Variants in PKHD1L1 observed in about 807,000 individuals in gnomAD.
PKHD1L1 encodes fibrocystin-L.
In PKHD1L1, 434 loss-of-function variants were observed where a neutral mutation model predicts 462.9. The observed-to-expected ratio is 0.94, with a 90% CI of 0.87 to 1.02. The LOEUF (loss-of-function observed/expected upper bound fraction) is 1.02. Among genes scored for constraint, PKHD1L1 ranks in the 50% least tolerant of loss-of-function variants. PKHD1L1 has a pLI of 0.00. For synonymous variants in PKHD1L1, 1,781 were observed against 1,750.0 expected, an observed-to-expected ratio of 1.02 and a Z score of -0.44; for missense variants, 5,202 against 5,096.1, an observed-to-expected ratio of 1.02 and a Z score of -0.63.
intron 50 of PKHD1L1, among the ~76,000 whole-genome samples, chr8:109,468,670 C>T (rs1053414555): frequency 6.6e-6 from 1 of 152,220 alleles, no homozygotes; most frequent in African/African-American, 2.4e-5. Flanking sequence ...AGTGAAGACT[C>T]ATCCATCACT....
intron 41 of PKHD1L1, among the ~76,000 whole-genome samples, chr8:109,451,383 T>C (rs1816491168): frequency 6.6e-6 from 1 of 152,160 alleles, no homozygotes; most frequent in South Asian, 2.1e-4. Flanking sequence ...CTGAGATGTT[T>C]TTACCTCGTT....
Position 109,537,031 on chromosome 8 carries a change from A to T in PKHD1L1, c.*6941A>T, listed in dbSNP as rs1020389716. On this transcript the variant is annotated 3_prime_UTR_variant, in exon 78 of 78. Coordinates refer to ENST00000378402, the MANE Select transcript of PKHD1L1 (RefSeq NM_177531.6). ...AAATTCTCCAGTAGGAAGATTAATAAAACAATTCATTAAAATTCTCATCAG... is the reference window on the plus strand; with the variant it reads ...AAATTCTCCAGTAGGAAGATTAATATAACAATTCATTAAAATTCTCATCAG... 1.3e-5 allele frequency among the ~76,000 whole-genome samples: 2 copies of T among 152,238 alleles called. No individual in the cohort carries two copies. Among genetic ancestry groups the T allele is most frequent in the African/African-American group, 4.8e-5 (2 of 41,450 alleles).
At chr8:109,428,355 T>A (rs1814892303) in intron 25 of PKHD1L1, among the ~76,000 whole-genome samples, 1 of 152,204 alleles carries the variant, frequency 6.6e-6, no homozygotes, top group Non-Finnish European at 1.5e-5. Flanking sequence ...TGCAGCCATG[T>A]GTAGACCCAC....
Position 109,481,521 on chromosome 8 carries a change from G to C in PKHD1L1, c.9416G>C (p.Trp3139Ser), listed in dbSNP as rs1818273892. ...VLRGNHTTQD[W>S]ALPEGPNQGA... The stretch of plus-strand genomic sequence containing the variant: ...AGAGGAAATCATACTACACAAGACT[G>C]GGCTCTTCCAGAAGGACCAAATCAA... The change falls in exon 56 of 78, where the codon TGG becomes TCG. Residue 3139 changes from tryptophan (W) to serine (S), a missense_variant. Trp to Ser is a radical substitution (Grantham distance 177). This residue lies in a region of PKHD1L1 where 4,497 missense variants were observed against 4,336.8 expected (regional missense o/e 1.04). Coordinates refer to ENST00000378402, the MANE Select transcript of PKHD1L1 (RefSeq NM_177531.6). The C allele has an allele frequency of 6.3e-7, 1 of 1,595,684 alleles. No homozygotes were observed. The highest frequency in any genetic ancestry group is 1.3e-5 in the African/African-American group (1 of 74,400).
At chr8:109,517,042 A>G (rs1820304604) in intron 72 of PKHD1L1, among the ~76,000 whole-genome samples, 2 of 152,214 alleles carry the variant, frequency 1.3e-5, no homozygotes, top group South Asian at 2.1e-4. Flanking sequence ...AAAACCCCAA[A>G]ATATGTATAG....
At chr8:109,527,374 G>T (rs1783175) in intron 77 of PKHD1L1, among the ~76,000 whole-genome samples, 69,428 of 151,838 alleles carry the variant, frequency 0.46, 16,774 homozygotes, top group African/African-American at 0.61. Context: ...CATGGTGGTG[G>T]GCAACTGTAA....
At chr8:109,425,989 C>T (rs756389439) in intron 24 of PKHD1L1, among the ~76,000 whole-genome samples, 7 of 151,946 alleles carry the variant, frequency 4.6e-5, no homozygotes, top group African/African-American at 9.7e-5. Context: ...ATCAGTTGTA[C>T]GGGACTAATC....
At chr8:109,452,523 G>GGT (rs1816588407) in intron 42 of PKHD1L1, among the ~76,000 whole-genome samples, 195 bp from the exon 43 acceptor site, 1 of 151,142 alleles carries the variant, frequency 6.6e-6, no homozygotes, top group South Asian at 2.1e-4. Flanking sequence ...GATCATTATT[G>GGT]TGAAATAAAC....
chr8:109,366,011 T>G (rs1373236659), intron 2 of PKHD1L1, among the ~76,000 whole-genome samples: 1 of 152,162 alleles, frequency 6.6e-6, no homozygotes, highest in Non-Finnish European at 1.5e-5. Context: ...CCAGCCATTT[T>G]CTTCTGTTTC....
intron 2 of PKHD1L1, among the ~76,000 whole-genome samples, chr8:109,378,785 G>A (rs976103524): frequency 3.3e-5 from 5 of 152,162 alleles, no homozygotes; most frequent in East Asian, 1.9e-4. Context: ...AGTCGAAGAG[G>A]ACTTCACTAG....
intron 75 of PKHD1L1, 131 bp downstream of exon 75, chr8:109,523,021 T>C: frequency 4.6e-6 from 5 of 1,082,342 alleles, no homozygotes; most frequent in Non-Finnish European, 6.4e-6. Flanking sequence ...GTTGGACTAA[T>C]ATCCAAGGAT....
At chr8:109,411,507 C>T (rs144374673) in intron 19 of PKHD1L1, among the ~76,000 whole-genome samples, 142 of 152,212 alleles carry the variant, frequency 9.3e-4, no homozygotes, top group African/African-American at 3.1e-3. Flanking sequence ...CTATTTTGAA[C>T]GTAGTACTAG....
chr8:109,509,045 G>A (rs530727839), intron 70 of PKHD1L1, among the ~76,000 whole-genome samples: 2 of 152,202 alleles, frequency 1.3e-5, no homozygotes, highest in East Asian at 1.9e-4. Context: ...ACATAGCTTG[G>A]ATTAGATAGA....
At chr8:109,474,832 A>G (rs1408886855) in intron 50 of PKHD1L1, among the ~76,000 whole-genome samples, 4 of 152,180 alleles carry the variant, frequency 2.6e-5, no homozygotes, top group Non-Finnish European at 5.9e-5. Context: ...CCTAAGGAAT[A>G]AAGGCTCCAT....
intron 18 of PKHD1L1, among the ~76,000 whole-genome samples, chr8:109,409,611 A>G (rs1008456959): frequency 1.3e-5 from 2 of 152,208 alleles, no homozygotes; most frequent in Non-Finnish European, 2.9e-5. Flanking sequence ...TGTCTGCCTT[A>G]TAACTAAGTA....
intron 14 of PKHD1L1, among the ~76,000 whole-genome samples, chr8:109,403,228 G>T (rs965583505): frequency 2.6e-5 from 4 of 152,108 alleles, no homozygotes; most frequent in Admixed American, 6.6e-5. Context: ...CACTCTAGCT[G>T]GTTTATTGTA....
Position 109,429,386 on chromosome 8 carries a change from C to T in PKHD1L1, c.3047C>T (p.Thr1016Ile). Residue 1016 changes from threonine (T) to isoleucine (I), a missense_variant, in exon 26 of 78, where the codon ACA becomes ATA. Around this residue, in one of 3 missense-constraint regions of PKHD1L1, gnomAD observed 4,497 missense variants for 4,336.8 expected, o/e 1.04. Transcript: ENST00000378402. Reference sequence around the variant, plus strand: ...GGAGAAAAGGCTAATATGACAGTTACAAGGATAAAGGAAGGTGGCTTATTC... The same window carrying T: ...GGAGAAAAGGCTAATATGACAGTTATAAGGATAAAGGAAGGTGGCTTATTC... The part of the protein sequence containing the change: ...IIGEKANMTV[T>I]RIKEGGLFRQ... 1 of 1,574,008 alleles carries T rather than the reference C, an allele frequency of 6.4e-7. No individual in the cohort carries two copies. Among genetic ancestry groups the T allele is most frequent in the South Asian group, 1.1e-5 (1 of 87,778 alleles).
At chr8:109,484,188 T>C (rs1818413800) in intron 57 of PKHD1L1, among the ~76,000 whole-genome samples, 2 of 151,940 alleles carry the variant, frequency 1.3e-5, no homozygotes, top group Non-Finnish European at 2.9e-5. Flanking sequence ...ACTTACAATA[T>C]GTTTTTATTT....
In PKHD1L1 at chr8:109,389,168, C is replaced by A. The variant is rs373196948; in HGVS notation, c.697+16C>A. 1.1e-5 allele frequency: 18 copies of A among 1,585,450 alleles called. No individual in the cohort carries two copies. In the African/African-American group the frequency reaches 2.4e-4, roughly 21 times the overall value. On this transcript the variant is annotated intron_variant, in intron 8 of 77. Coordinates refer to ENST00000378402, the MANE Select transcript of PKHD1L1 (RefSeq NM_177531.6). The stretch of plus-strand genomic sequence containing the variant: ...ACTTTTATTGGCAAGTGTTGGTCAT[C>A]TTTCTTCATAATGCTCACAGATGCC...
Sources: gnomAD v4.1 joint callset for allele counts (sites outside exome capture counted in the v4.1 genomes callset) on GRCh38, gnomAD v4.1.1 for gene constraint, gnomAD v4.1.1 regional missense constraint, MANE v1.5 for transcripts, NCBI Gene and HGNC (gene_info 2026-07-23, HGNC 2026-07-21) for gene names.